Variants in ELL2 observed in about 807,000 individuals in gnomAD.
ELL2 encodes RNA polymerase II elongation factor ELL2.
Under a neutral mutation model 72.8 loss-of-function variants are expected in ELL2, and 21 were observed. That is an observed-to-expected ratio of 0.29 (90% CI 0.20 to 0.42). The LOEUF (loss-of-function observed/expected upper bound fraction) is 0.42, where lower values mean the gene tolerates loss of function less well. Ranked by LOEUF, ELL2 falls within the 10% of genes least tolerant of loss-of-function variation. ELL2 has a pLI of 1.00. For missense variants in ELL2, 568 were observed against 772.8 expected (o/e 0.73, Z 3.14); for synonymous variants, 266 against 283.2 (o/e 0.94, Z 0.61).
At chr5:95,903,133 C>A (rs1749205245) in intron 5 of ELL2, among the ~76,000 whole-genome samples, 1 of 150,950 alleles carries the variant, frequency 6.6e-6, no homozygotes, top group African/African-American at 2.4e-5. Flanking sequence ...CACATTGACA[C>A]CCCCACCCCC....
At chr5:95,903,941 T>A (rs768761709) in intron 5 of ELL2, among the ~76,000 whole-genome samples, 20 of 152,196 alleles carry the variant, frequency 1.3e-4, no homozygotes, top group Admixed American at 1.3e-3. Flanking sequence ...AATCACAGAT[T>A]CCGTTCTTCC....
intron 8 of ELL2, among the ~76,000 whole-genome samples, chr5:95,896,802 C>T (rs910910665): frequency 6.6e-6 from 1 of 152,190 alleles, no homozygotes; most frequent in Admixed American, 6.5e-5. Context: ...GAGACTAAGT[C>T]TGCTTCTCCA....
At chr5:95,916,054 A>G (rs544547522) in intron 3 of ELL2, among the ~76,000 whole-genome samples, 21 of 151,800 alleles carry the variant, frequency 1.4e-4, no homozygotes, top group Non-Finnish European at 8.8e-5. Flanking sequence ...ATGCTACTGA[A>G]GGATTACAGG....
chr5:95,900,925 T>C (rs199824173), intron 6 of ELL2, 31 bp downstream of exon 6: 10 of 1,576,726 alleles, frequency 6.3e-6, no homozygotes, highest in South Asian at 1.2e-5. Flanking sequence ...TAAAGAAACA[T>C]TTTTTTAAAA....
intron 1 of ELL2, among the ~76,000 whole-genome samples, chr5:95,947,061 C>G (rs1226386615): frequency 6.6e-6 from 1 of 152,206 alleles, no homozygotes; most frequent in East Asian, 1.9e-4. Context: ...AGTTAAATCT[C>G]ATTAGCTGTT....
At chr5:95,895,549 AT>A in intron 9 of ELL2, 78 bp downstream of exon 9, 3 of 1,379,266 alleles carry the variant, frequency 2.2e-6, no homozygotes, top group South Asian at 1.2e-5. Flanking sequence ...TACTTTTCTG[AT>A]TTGCAAATTA....
Position 95,927,357 on chromosome 5 carries a change from GTA to G in ELL2, c.196-7814_196-7813del, listed in dbSNP as rs144248172. On this transcript the variant is annotated intron_variant, in intron 2 of 11. Transcript: ENST00000237853. ...TGGAATTGTTTCAGTATGTGTATGTGTATATATAGACATACACACACACACGT... is the reference window on the plus strand; with the variant it reads ...TGGAATTGTTTCAGTATGTGTATGTGTATATAGACATACACACACACACGT... Among the ~76,000 whole-genome samples the G allele has an allele frequency of 1.1e-4, 15 of 139,128 alleles. 3 individuals carry two copies. In the East Asian group the frequency reaches 1.1e-3, roughly 10 times the overall value. The allele number at this position is 139,128 out of a possible 152,430, so 91.3% of individuals were successfully genotyped here.
chr5:95,937,757 G>A (rs553341529), intron 2 of ELL2, among the ~76,000 whole-genome samples: 131 of 152,184 alleles, frequency 8.6e-4, no homozygotes, highest in African/African-American at 2.9e-3. Flanking sequence ...TACACTCAGA[G>A]CCAAGAGTAT....
At chr5:95,893,302 A>G (rs541585960) in intron 9 of ELL2, among the ~76,000 whole-genome samples, 1 of 152,378 alleles carries the variant, frequency 6.6e-6, no homozygotes, top group South Asian at 2.1e-4. Flanking sequence ...TTGATAGCTT[A>G]ACTACAAGTA....
At chr5:95,952,034 C>A (rs367971146) in intron 1 of ELL2, among the ~76,000 whole-genome samples, 3 of 151,862 alleles carry the variant, frequency 2.0e-5, no homozygotes, top group Non-Finnish European at 4.4e-5. Context: ...TTAGAAACAG[C>A]GAAGATATGG....
chr5:95,898,119 G>C, intron 8 of ELL2, 121 bp downstream of exon 8: 2 of 680,576 alleles, frequency 2.9e-6, no homozygotes, highest in Admixed American at 4.0e-5. Flanking sequence ...CTGCTCAAAA[G>C]CACAACACTA....
rs1748980705 is a variant in ELL2 at position 95,898,629 on chromosome 5, G to A, written c.1136C>T (p.Pro379Leu). The change falls in exon 8 of 12, where the codon CCT becomes CTT. Residue 379 changes from proline (P) to leucine (L), a missense_variant. Around this residue, in one of 2 missense-constraint regions of ELL2, gnomAD observed 511 missense variants for 728.4 expected, o/e 0.70. Transcript: ENST00000237853. The stretch of plus-strand genomic sequence containing the variant: ...ATGTGAGATGGGCAGATAGGTTGAA[G>A]GCAGCGGTGGAGGGGTAGGGATGGC... ...AAAIPTPPPL[P>L]STYLPISHPP... 6.2e-7 allele frequency: 1 copy of A among 1,613,112 alleles called. No individual in the cohort carries two copies. Among genetic ancestry groups the A allele is most frequent in the Admixed American group, 1.7e-5 (1 of 59,954 alleles).
intron 2 of ELL2, among the ~76,000 whole-genome samples, chr5:95,927,584 CGT>C (rs1554077371): frequency 3.6e-5 from 1 of 27,544 alleles, no homozygotes; most frequent in Admixed American, 2.6e-4. Context: ...TACACACACA[CGT>C]GTGTATATAG....
chr5:95,938,874 G>C (rs1415079957), intron 2 of ELL2, among the ~76,000 whole-genome samples: 1 of 152,128 alleles, frequency 6.6e-6, no homozygotes, highest in Non-Finnish European at 1.5e-5. Context: ...CCGAGGTCTA[G>C]AATCTCATAT....
intron 2 of ELL2, among the ~76,000 whole-genome samples, chr5:95,933,605 CT>C (rs1437838351): frequency 6.6e-6 from 1 of 152,036 alleles, no homozygotes; most frequent in Non-Finnish European, 1.5e-5. Context: ...CTGTTTTTCA[CT>C]ATTAGGGACC....
In ELL2 at chr5:95,898,475, G is replaced by A; in HGVS notation, c.1290C>T (p.Thr430=). The A allele has an allele frequency of 1.9e-6, 3 of 1,613,988 alleles. No homozygotes were observed. Among genetic ancestry groups the A allele is most frequent in the African/African-American group, 1.3e-5 (1 of 75,024 alleles). Residue 430 remains threonine, a synonymous_variant, in exon 8 of 12, where the codon ACC becomes ACT. Coordinates refer to ENST00000237853, the MANE Select transcript of ELL2 (RefSeq NM_012081.6). ...GTAAGGTTTCCAGAGAAGTCCTAGAGGTATATTTGTCTTGCTGGTCCTCAT... is the reference window on the plus strand; with the variant it reads ...GTAAGGTTTCCAGAGAAGTCCTAGAAGTATATTTGTCTTGCTGGTCCTCAT... ...SIYEDQQDKY[T]SRTSLETLPP... is the part of the protein sequence containing the mutation.
At chr5:95,952,031 C>T (rs934139193) in intron 1 of ELL2, among the ~76,000 whole-genome samples, 1 of 151,980 alleles carries the variant, frequency 6.6e-6, no homozygotes, top group Non-Finnish European at 1.5e-5. Context: ...TTTTTAGAAA[C>T]AGCGAAGATA....
At chr5:95,934,913 A>T (rs773217052) in intron 2 of ELL2, among the ~76,000 whole-genome samples, 10 of 152,212 alleles carry the variant, frequency 6.6e-5, no homozygotes, top group Non-Finnish European at 1.5e-4. Context: ...ACCCATAAAG[A>T]TGACAAATTA....
At chr5:95,922,271 C>A (rs1750117327) in intron 2 of ELL2, among the ~76,000 whole-genome samples, 1 of 152,206 alleles carries the variant, frequency 6.6e-6, no homozygotes, top group Non-Finnish European at 1.5e-5. Context: ...ACTGTGCTAG[C>A]CCAGACGGTC....
Sources: allele counts gnomAD v4.1 joint callset (sites outside exome capture counted in the v4.1 genomes callset), GRCh38; gene constraint gnomAD v4.1.1; regional missense constraint gnomAD v4.1.1; transcripts MANE v1.5; gene names NCBI Gene and HGNC (gene_info 2026-07-23, HGNC 2026-07-21).